Variants in POC1A observed in about 807,000 individuals in gnomAD.
POC1A encodes the protein POC1 centriolar protein homolog A.
Under a neutral mutation model 47.8 loss-of-function variants are expected in POC1A, and 34 were observed. That is an observed-to-expected ratio of 0.71 (90% CI 0.54 to 0.95). The LOEUF is 0.95. Among genes scored for constraint, POC1A ranks in the 40% least tolerant of loss-of-function variants. The probability of loss-of-function intolerance (pLI) is 0.00; values close to 1 mark genes in which losing one functional copy is unlikely to be tolerated. For missense variants in POC1A, 466 were observed against 528.3 expected (o/e 0.88, Z 1.16); for synonymous variants, 177 against 207.6 (o/e 0.85, Z 1.27).
At chr3:52,093,831 C>T (rs1429345519) in intron 10 of POC1A, among the ~76,000 whole-genome samples, 1 of 152,228 alleles carries the variant, frequency 6.6e-6, no homozygotes, top group Non-Finnish European at 1.5e-5. Flanking sequence ...CACAAACATC[C>T]ACAGAGGTGA....
chr3:52,109,702 C>T (rs960406428), intron 9 of POC1A, among the ~76,000 whole-genome samples: 4 of 152,048 alleles, frequency 2.6e-5, no homozygotes, highest in Non-Finnish European at 4.4e-5. Context: ...CTGATGGCAA[C>T]GAGTACTCAG....
intron 7 of POC1A, among the ~76,000 whole-genome samples, chr3:52,132,913 G>A (rs1472439798): frequency 6.6e-6 from 1 of 152,086 alleles, no homozygotes; most frequent in East Asian, 1.9e-4. Context: ...GGGCATGGTG[G>A]CGTGCACGTG....
At chr3:52,106,949 T>C (rs544585722) in intron 9 of POC1A, among the ~76,000 whole-genome samples, 2 of 152,370 alleles carry the variant, frequency 1.3e-5, no homozygotes, top group South Asian at 4.1e-4. Context: ...ATTGCCTTGA[T>C]AGGCAAGAAA....
rs111473838 is a variant in POC1A at position 52,081,750 on chromosome 3, C to T, written c.1126-5765G>A. On this transcript the variant is annotated intron_variant, in intron 10 of 10. Coordinates refer to ENST00000296484, the MANE Select transcript of POC1A (RefSeq NM_015426.5). ...TGCTAGGCTGAGGGGATTTGAGACT[C>T]CTCTGGCTACTACACAGGGACAGTC... 2.8e-4 allele frequency among the ~76,000 whole-genome samples: 42 copies of T among 152,110 alleles called. 1 individual carries two copies. The highest frequency in any genetic ancestry group is 9.9e-4 in the African/African-American group (41 of 41,462).
At chr3:52,076,133 G>T in intron 10 of POC1A, 148 bp from the exon 11 acceptor site, 1 of 640,298 alleles carries the variant, frequency 1.6e-6, no homozygotes, top group Admixed American at 2.2e-5. Context: ...CAGGCCCCTT[G>T]TCTCTGGTGC....
At chr3:52,138,856 C>T (rs1698083193) in intron 6 of POC1A, among the ~76,000 whole-genome samples, 1 of 152,126 alleles carries the variant, frequency 6.6e-6, no homozygotes, top group African/African-American at 2.4e-5. Context: ...TTTTGAGAGA[C>T]AGAGTCTCAC....
At position 52,082,000 on chromosome 3, in the gene POC1A, A is replaced by G. The variant is rs539477379; in HGVS notation, c.1126-6015T>C. ...ACAAGACAAGGACTGGCCCTGCAGG[A>G]GAGGCAGAAGACGGGCTCCAGATTA... On this transcript the variant is annotated intron_variant, in intron 10 of 10. Transcript: ENST00000296484. Among the ~76,000 whole-genome samples, 4 of 152,152 alleles carry G rather than the reference A, an allele frequency of 2.6e-5. 1 individual carries two copies. The highest frequency in any genetic ancestry group is 2.6e-4 in the Admixed American group (4 of 15,282).
intron 10 of POC1A, among the ~76,000 whole-genome samples, chr3:52,085,912 G>A (rs962084850): frequency 6.6e-6 from 1 of 152,222 alleles, no homozygotes; most frequent in African/African-American, 2.4e-5. Flanking sequence ...CATTGCCCTG[G>A]CTGAGCTCCG....
intron 10 of POC1A, among the ~76,000 whole-genome samples, chr3:52,086,779 T>C (rs2106942803): frequency 6.6e-6 from 1 of 152,362 alleles, no homozygotes; most frequent in Non-Finnish European, 1.5e-5. Flanking sequence ...GTACAAACGA[T>C]GCCCCTCGAG....
In POC1A at chr3:52,154,349, G is replaced by A; in HGVS notation, c.18+6C>T. The A allele has an allele frequency of 1.9e-6, 3 of 1,552,068 alleles. No homozygotes were observed. The highest frequency in any genetic ancestry group is 1.9e-5 in the Admixed American group (1 of 51,320). On this transcript the variant is annotated splice_donor_region_variant and intron_variant, in intron 1 of 10. Transcript: ENST00000296484. The stretch of plus-strand genomic sequence containing the variant: ...GGCCTGGGGAGTTGCTCTCGGCTGG[G>A]CTTACCGCGCAGGGCGCAGCCATGG...
At chr3:52,106,627 C>G (rs1386271256) in intron 9 of POC1A, among the ~76,000 whole-genome samples, 2 of 152,172 alleles carry the variant, frequency 1.3e-5, no homozygotes, top group African/African-American at 2.4e-5. Flanking sequence ...ACACACAGAA[C>G]CAGGACCACA....
At position 52,110,551 on chromosome 3, in the gene POC1A, G is replaced by T. The variant is rs368053564; in HGVS notation, c.981+11828C>A. On this transcript the variant is annotated intron_variant, in intron 9 of 10. Transcript: ENST00000296484. Reference sequence around the variant, plus strand: ...GGAAGAAAGATCCTTAAATGCCAAAGCCCTCGGTTCTTGTGCACCCTCTCT... The same window carrying T: ...GGAAGAAAGATCCTTAAATGCCAAATCCCTCGGTTCTTGTGCACCCTCTCT... Among the ~76,000 whole-genome samples, 16 of 152,368 alleles carry T rather than the reference G, an allele frequency of 1.1e-4. No individual in the cohort carries two copies. The South Asian group carries it at 2.3e-3, about 22-fold the overall frequency.
chr3:52,143,459 G>A (rs1698264586), intron 6 of POC1A, among the ~76,000 whole-genome samples: 1 of 152,062 alleles, frequency 6.6e-6, no homozygotes, highest in Non-Finnish European at 1.5e-5. Context: ...TCACTCCCCA[G>A]CCTCTGCCCT....
intron 10 of POC1A, among the ~76,000 whole-genome samples, chr3:52,078,503 CTTTTTTTTT>C (rs531817608): frequency 2.3e-4 from 26 of 113,532 alleles, no homozygotes; most frequent in East Asian, 4.6e-4. Context: ...ATGGAAATCT[CTTTTTTTTT>C]TTTTTTTTTT....
rs1417101572 is a variant in POC1A, at chr3:52,084,960, A to C, written c.1126-8975T>G. The stretch of plus-strand genomic sequence containing the variant: ...GGGACACAGTGGCAAGGGGAGCTGC[A>C]ACTGTCCTGGGTTGGCAGGTTTGCA... On this transcript the variant is annotated intron_variant, in intron 10 of 10. Coordinates refer to ENST00000296484, the MANE Select transcript of POC1A (RefSeq NM_015426.5). This position sits in a 1 kb window ranked among gnomAD's most constrained non-coding sequence, Gnocchi z 4.3. Among the ~76,000 whole-genome samples the C allele has an allele frequency of 6.6e-6, 1 of 152,230 alleles. No individual in the cohort carries two copies. Among genetic ancestry groups the C allele is most frequent in the Non-Finnish European group, 1.5e-5 (1 of 68,026 alleles).
At chr3:52,097,886 A>G (rs1702875751) in intron 9 of POC1A, among the ~76,000 whole-genome samples, 2 of 152,228 alleles carry the variant, frequency 1.3e-5, no homozygotes, top group African/African-American at 4.8e-5. Flanking sequence ...TCCTCCAGGA[A>G]TCAACGTGCT....
chr3:52,145,911 G>A lies in POC1A; in HGVS notation c.614C>T (p.Ala205Val), dbSNP rs780017055. The A allele has an allele frequency of 6.2e-7, 1 of 1,613,930 alleles. No individual in the cohort carries two copies. Among genetic ancestry groups the A allele is most frequent in the South Asian group, 1.1e-5 (1 of 91,086 alleles). The change falls in exon 6 of 11, where the codon GCC becomes GTC. Residue 205 changes from alanine (A) to valine (V), a missense_variant. Physicochemically the swap from Ala to Val is moderately conservative, Grantham distance 64. Transcript: ENST00000296484. ...FHPSGTCIAA[A>V]GMDNTVKVWD... ...CACCTTCACTGTGTTGTCCATGCCGGCAGCGGCAATGCACGTCCCACTGGG... is the reference window on the plus strand; with the variant it reads ...CACCTTCACTGTGTTGTCCATGCCGACAGCGGCAATGCACGTCCCACTGGG...
intron 9 of POC1A, among the ~76,000 whole-genome samples, chr3:52,106,273 C>T (rs1703182614): frequency 6.6e-6 from 1 of 152,096 alleles, no homozygotes; most frequent in Admixed American, 6.5e-5. Context: ...ATCAAATGCT[C>T]CACAACTACA....
chr3:52,146,871 T>G, intron 5 of POC1A, 117 bp downstream of exon 5: 1 of 806,318 alleles, frequency 1.2e-6, no homozygotes, highest in Non-Finnish European at 2.2e-6. Context: ...GGGGCAGCAG[T>G]GATAAGGCTG....
Sources: gnomAD v4.1 joint callset for allele counts (sites outside exome capture counted in the v4.1 genomes callset) on GRCh38, gnomAD v4.1.1 for gene constraint, Gnocchi (gnomAD v3.1) non-coding constraint, MANE v1.5 for transcripts, NCBI Gene and HGNC (gene_info 2026-07-23, HGNC 2026-07-21) for gene names.